The following CD1D variants were observed in gnomAD, a reference collection of about 807,000 sequenced individuals.
The protein encoded by CD1D is antigen-presenting glycoprotein CD1d.
CD1D carries 40 observed loss-of-function variants against 42.1 expected under a neutral mutation model. The observed-to-expected ratio is 0.95, with a 90% confidence interval of 0.74 to 1.24. The LOEUF (loss-of-function observed/expected upper bound fraction) is 1.24. Among genes scored for constraint, CD1D ranks in the 50% most tolerant of loss-of-function variants. The probability of loss-of-function intolerance (pLI) is 0.00; values close to 1 mark genes in which losing one functional copy is unlikely to be tolerated. For synonymous variants in CD1D, 178 were observed against 171.8 expected, an observed-to-expected ratio of 1.04 and a Z score of -0.28; for missense variants, 437 against 416.5, an observed-to-expected ratio of 1.05 and a Z score of -0.43.
upstream of CD1D, among the ~76,000 whole-genome samples, chr1:158,178,438 A>G (rs1648254128): frequency 6.6e-6 from 1 of 152,180 alleles, no homozygotes; most frequent in Admixed American, 6.5e-5. Flanking sequence ...TATCCTTTGT[A>G]CATTAAATGG....
In CD1D at chr1:158,182,102, T is replaced by G; in HGVS notation, c.399T>G (p.His133Gln). Residue 133 changes from histidine (H) to glutamine (Q), a missense_variant, in exon 3 of 6, where the codon CAT (histidine) becomes CAG (glutamine). Physicochemically the swap from His to Gln is conservative, Grantham distance 24. Coordinates refer to ENST00000674085, the MANE Select transcript of CD1D (RefSeq NM_001371762.2). The part of the protein sequence containing the change: ...HPGNASNNFF[H>Q]VAFQGKDILS... Reference sequence around the variant, plus strand: ...GGAACGCCTCAAATAACTTCTTCCATGTAGCATTTCAAGGAAAAGATATCC... The same window carrying G: ...GGAACGCCTCAAATAACTTCTTCCAGGTAGCATTTCAAGGAAAAGATATCC... The G allele has an allele frequency of 6.2e-7, 1 of 1,614,124 alleles. No homozygotes were observed. Among genetic ancestry groups the G allele is most frequent in the Non-Finnish European group, 8.5e-7 (1 of 1,179,998 alleles).
At chr1:158,182,728 G>C (rs1274932031) in intron 3 of CD1D, 150 bp from the exon 4 acceptor site, 2 of 927,590 alleles carry the variant, frequency 2.2e-6, no homozygotes, top group Non-Finnish European at 1.6e-6. Context: ...GAAAGTTGTG[G>C]GAGACTTCAT....
intron 3 of CD1D, 165 bp downstream of exon 3, chr1:158,182,475 C>T (rs1238823640): frequency 2.8e-6 from 2 of 726,500 alleles, no homozygotes; most frequent in East Asian, 2.7e-5. Context: ...AACTGAGCAC[C>T]TCTTGGGTTC....
In CD1D at chr1:158,184,749, A is replaced by G. The variant is rs1019677752; in HGVS notation, c.*599A>G. 1 of 152,322 alleles carries G rather than the reference A, an allele frequency of 6.6e-6. No individual in the cohort carries two copies. Among genetic ancestry groups the G allele is most frequent in the African/African-American group, 2.4e-5 (1 of 41,442 alleles). The allele number at this position is 152,322 out of a possible 1,614,324, so 9.4% of individuals were successfully genotyped here. ...ATAAAAAGTTTGCCCTGGATGTCATATTGGCAGTTGGAGGACACAGTTTCT... is the reference window on the plus strand; with the variant it reads ...ATAAAAAGTTTGCCCTGGATGTCATGTTGGCAGTTGGAGGACACAGTTTCT... On this transcript the variant is annotated 3_prime_UTR_variant, in exon 6 of 6. Transcript: ENST00000674085.
At chr1:158,178,523 G>T (rs940190932), upstream of CD1D, among the ~76,000 whole-genome samples, 8 of 152,184 alleles carry the variant, frequency 5.3e-5, no homozygotes, top group South Asian at 4.1e-4. Context: ...TGTGAATTGT[G>T]AATTCTGAAC....
Position 158,184,460 on chromosome 1 carries a change from G to A in CD1D, c.*310G>A, listed in dbSNP as rs1309720391. On this transcript the variant is annotated 3_prime_UTR_variant, in exon 6 of 6. Coordinates refer to ENST00000674085, the MANE Select transcript of CD1D (RefSeq NM_001371762.2). Reference sequence around the variant, plus strand: ...TACCAGGGACAAGCAGGTAAGAGCTGATGTGAGTGTGTGTGATGGGATCTG... The same window carrying A: ...TACCAGGGACAAGCAGGTAAGAGCTAATGTGAGTGTGTGTGATGGGATCTG... The A allele has an allele frequency of 6.7e-6, 3 of 449,924 alleles. No homozygotes were observed. In the Admixed American group the frequency reaches 1.1e-4, roughly 17 times the overall value. 27.9% of individuals were successfully genotyped at this position (449,924 alleles called of 1,614,324 possible).
At chr1:158,180,305 T>G (rs1218306430), upstream of CD1D, 1 of 152,168 alleles carries the variant, frequency 6.6e-6, no homozygotes, top group Non-Finnish European at 1.5e-5. Context: ...AGTGAATGAG[T>G]CAGGAGCCAG....
At chr1:158,184,081 C>T (rs1648596943) in intron 5 of CD1D, 46 bp downstream of exon 5, 1 of 1,613,884 alleles carries the variant, frequency 6.2e-7, no homozygotes, top group African/African-American at 1.3e-5. Flanking sequence ...CCCTTCATTC[C>T]TGGCTTCCCT....
rs1446894591 is a variant in CD1D at position 158,186,097 on chromosome 1, C to T, written c.*1947C>T. On this transcript the variant is annotated 3_prime_UTR_variant, in exon 6 of 6. Coordinates refer to ENST00000674085, the MANE Select transcript of CD1D (RefSeq NM_001371762.2). ...GTTCTAGCCTCTGAACCAGTTTCCT[C>T]CTGTGCCAAAGGAGGATAATAATTA... is the stretch of plus-strand genomic sequence containing the variant. Among the ~76,000 whole-genome samples, 1 of 152,186 alleles carries T rather than the reference C, an allele frequency of 6.6e-6. No homozygotes were observed. Among genetic ancestry groups the T allele is most frequent in the Non-Finnish European group, 1.5e-5 (1 of 68,038 alleles).
In CD1D at chr1:158,181,118, TTCTGCTGCTCTGGGC is replaced by T. The variant is rs1558043173; in HGVS notation, c.18_32del (p.Phe6_Ala11delinsLeu). 1.3e-6 allele frequency: 2 copies of T among 1,548,296 alleles called. No homozygotes were observed. Among genetic ancestry groups the T allele is most frequent in the South Asian group, 2.4e-5 (2 of 83,882 alleles). Reference sequence around the variant, plus strand: ...CCGGGCGATATGGGGTGCCTGCTGTTTCTGCTGCTCTGGGCGCTCCTCCAGGCTTGGGGAAGCGCT... The same window carrying T: ...CCGGGCGATATGGGGTGCCTGCTGTTGCTCCTCCAGGCTTGGGGAAGCGCT... On this transcript the variant is annotated inframe_deletion, in exon 1 of 6. Coordinates refer to ENST00000674085, the MANE Select transcript of CD1D (RefSeq NM_001371762.2).
Position 158,182,256 on chromosome 1 carries a change from C to T in CD1D, c.553C>T (p.Pro185Ser). ...TVQWLLNGTC[P>S]QFVSGLLESG... is the part of the protein sequence containing the mutation. ...GCAGTGGCTCCTTAATGGCACCTGC[C>T]CCCAATTTGTCAGTGGCCTCCTTGA... The change falls in exon 3 of 6, where the codon CCC becomes TCC. Residue 185 changes from proline (P) to serine (S), a missense_variant. Coordinates refer to ENST00000674085, the MANE Select transcript of CD1D (RefSeq NM_001371762.2). The T allele has an allele frequency of 1.2e-6, 2 of 1,614,084 alleles. No homozygotes were observed. The highest frequency in any genetic ancestry group is 1.1e-5 in the South Asian group (1 of 91,076).
At position 158,181,693 on chromosome 1, in the gene CD1D, G is replaced by A. The variant is rs540329660; in HGVS notation, c.300G>A (p.Lys100=). 3.1e-6 allele frequency: 5 copies of A among 1,611,982 alleles called. No homozygotes were observed. The South Asian group carries it at 5.5e-5, about 18-fold the overall frequency. The change falls in exon 2 of 6, where the codon AAG becomes AAA. Residue 100 remains lysine (K), a synonymous_variant. Coordinates refer to ENST00000674085, the MANE Select transcript of CD1D (RefSeq NM_001371762.2). The part of the protein sequence containing the change: ...VYRSSFTRDV[K]EFAKMLRLSY... ...GAAGCAGCTTCACCAGGGACGTGAAGGAATTCGCCAAAATGCTACGCTTAT... is the reference window on the plus strand; with the variant it reads ...GAAGCAGCTTCACCAGGGACGTGAAAGAATTCGCCAAAATGCTACGCTTAT...
intron 4 of CD1D, among the ~76,000 whole-genome samples, chr1:158,183,539 G>T (rs1648558595): frequency 6.6e-6 from 1 of 152,184 alleles, no homozygotes; most frequent in Non-Finnish European, 1.5e-5. Context: ...CAATGAATCT[G>T]CATATAATAT....
chr1:158,181,519 G>C lies in CD1D; in HGVS notation c.126G>C (p.Thr42=), dbSNP rs758844277. The C allele has an allele frequency of 6.2e-6, 10 of 1,614,014 alleles. No homozygotes were observed. In the South Asian group the frequency reaches 1.1e-4, roughly 18 times the overall value. Residue 42 remains threonine (T), a synonymous_variant, in exon 2 of 6, where the codon ACG becomes ACC. Transcript: ENST00000674085. ...CGTCCTTCGCCAATAGCAGCTGGAC[G>C]CGCACCGACGGCTTGGCGTGGCTGG... ...QISSFANSSW[T]RTDGLAWLGE...
At position 158,181,130 on chromosome 1, in the gene CD1D, G is replaced by A; in HGVS notation, c.29G>A (p.Trp10Ter). The A allele has an allele frequency of 6.5e-7, 1 of 1,549,146 alleles. No homozygotes were observed. The highest frequency in any genetic ancestry group is 8.7e-7 in the Non-Finnish European group (1 of 1,146,630). The change falls in exon 1 of 6, where the codon TGG becomes TAG. Residue 10 changes from tryptophan to a stop codon, truncating the protein, a stop_gained. Transcript: ENST00000674085. LOFTEE classifies it high-confidence loss of function. ...GGGTGCCTGCTGTTTCTGCTGCTCT[G>A]GGCGCTCCTCCAGGCTTGGGGAAGC... MGCLLFLLL[W>*]ALLQAWGSAE...
At chr1:158,180,417 G>A (rs3754469), upstream of CD1D, among the ~76,000 whole-genome samples, 4 of 152,272 alleles carry the variant, frequency 2.6e-5, no homozygotes, top group East Asian at 7.7e-4. Flanking sequence ...AGGCCGGGGA[G>A]GGGAGAGCAA....
chr1:158,182,821 A>G, intron 3 of CD1D, 57 bp from the exon 4 acceptor site: 1 of 1,530,012 alleles, frequency 6.5e-7, no homozygotes, highest in Non-Finnish European at 8.8e-7. Flanking sequence ...TGAGGCCTGG[A>G]GCCTCTAATG....
At chr1:158,179,378 A>G (rs1648291237), upstream of CD1D, among the ~76,000 whole-genome samples, 1 of 152,180 alleles carries the variant, frequency 6.6e-6, no homozygotes, top group South Asian at 2.1e-4. Context: ...AGTGTGGTGC[A>G]GTAGCCTATT....
chr1:158,184,255 A>C lies in CD1D; in HGVS notation c.*105A>C, dbSNP rs550628002. ...AGGAATTGAAGATGTAAGGAATTGA[A>C]GATAGGAGAGATACCTTGAAAAAGT... On this transcript the variant is annotated 3_prime_UTR_variant, in exon 6 of 6. Coordinates refer to ENST00000674085, the MANE Select transcript of CD1D (RefSeq NM_001371762.2). 3.6e-6 allele frequency: 4 copies of C among 1,111,632 alleles called. No individual in the cohort carries two copies. The African/African-American group carries it at 6.2e-5, about 17-fold the overall frequency. 68.9% of individuals were successfully genotyped at this position (1,111,632 alleles called of 1,614,324 possible). A position where few individuals can be genotyped will look rare whatever the true frequency, so the allele number is the denominator to read the frequency against.
Sources: allele counts gnomAD v4.1 joint callset (sites outside exome capture counted in the v4.1 genomes callset), GRCh38; gene constraint gnomAD v4.1.1; transcripts MANE v1.5; gene names NCBI Gene and HGNC (gene_info 2026-07-23, HGNC 2026-07-21).